Variants in SDK1 observed in about 807,000 individuals in gnomAD.
The protein encoded by SDK1 is sidekick cell adhesion molecule 1, also known as protein sidekick-1.
Under a neutral mutation model 245.5 loss-of-function variants are expected in SDK1, and 157 were observed. The observed-to-expected ratio is 0.64, with a 90% CI of 0.56 to 0.73. SDK1 has a LOEUF of 0.73. SDK1 is among the 30% of genes least tolerant of loss of function. The pLI, the probability that SDK1 is intolerant of heterozygous loss-of-function variation, is 0.00. For missense variants in SDK1, 3,583 were observed against 3,002.3 expected (o/e 1.19, Z -4.52); for synonymous variants, 1,647 against 1,278.5 (o/e 1.29, Z -6.15).
chr7:3,849,622 C>G (rs1780370472), intron 5 of SDK1, among the ~76,000 whole-genome samples: 1 of 152,122 alleles, frequency 6.6e-6, no homozygotes, highest in South Asian at 2.1e-4. Flanking sequence ...CTTATTCTGA[C>G]TAGTGAATTT....
chr7:4,106,288 C>G (rs192199534), intron 22 of SDK1, among the ~76,000 whole-genome samples: 347 of 151,306 alleles, frequency 2.3e-3, no homozygotes, highest in African/African-American at 8.3e-3. Context: ...CCACTGTCCC[C>G]CGTTTCTTTT....
At chr7:4,049,255 C>A in intron 17 of SDK1, 93 bp from the exon 18 acceptor site, 1 of 871,032 alleles carries the variant, frequency 1.1e-6, no homozygotes, top group Non-Finnish European at 1.9e-6. Context: ...TGCCTGTGAG[C>A]ATGATGGCAG....
intron 5 of SDK1, among the ~76,000 whole-genome samples, chr7:3,933,624 C>T (rs1011013637): frequency 2.6e-5 from 4 of 152,138 alleles, no homozygotes; most frequent in Non-Finnish European, 5.9e-5. Flanking sequence ...AAACAAGACA[C>T]TGATTATCTA....
intron 5 of SDK1, among the ~76,000 whole-genome samples, chr7:3,850,187 C>A (rs555682214): frequency 6.6e-6 from 1 of 152,298 alleles, no homozygotes; most frequent in East Asian, 1.9e-4. Context: ...TCTGGCCCTG[C>A]CACTCATCAG....
intron 1 of SDK1, among the ~76,000 whole-genome samples, chr7:3,599,163 T>C (rs1781173986): frequency 6.7e-6 from 1 of 150,352 alleles, no homozygotes; most frequent in African/African-American, 2.4e-5. Flanking sequence ...ACTGTAGCCA[T>C]TCCGATAGAT....
At chr7:4,250,443 A>C (rs6946599) in intron 44 of SDK1, among the ~76,000 whole-genome samples, 1 of 151,958 alleles carries the variant, frequency 6.6e-6, no homozygotes, top group African/African-American at 2.4e-5. Context: ...TCCTGGGTTC[A>C]AGCAATTCTC....
At chr7:4,017,400 A>G (rs1353630148) in intron 17 of SDK1, 48 bp downstream of exon 17, 8 of 1,538,740 alleles carry the variant, frequency 5.2e-6, no homozygotes, top group Non-Finnish European at 7.1e-6. Flanking sequence ...TTGCCGGGGA[A>G]TGGGATTTGC....
chr7:3,639,053 G>A lies in SDK1; in HGVS notation c.508G>A (p.Val170Met), dbSNP rs549922689. 18 of 1,605,018 alleles carry A rather than the reference G, an allele frequency of 1.1e-5. No homozygotes were observed. Among genetic ancestry groups the A allele is most frequent in the Admixed American group, 5.0e-5 (3 of 59,854 alleles). The change falls in exon 3 of 45, where the codon GTG becomes ATG. Residue 170 changes from valine (V) to methionine (M), a missense_variant. Transcript: ENST00000404826. ...QKLDAGFYRCVVRNRMGALLQ... is the reference protein window; with the variant it reads ...QKLDAGFYRCMVRNRMGALLQ... ...GCTCGATGCTGGGTTTTACCGCTGC[G>A]TGGTGCGAAACAGAATGGGAGCACT...
chr7:3,681,102 A>G (rs1401986372), intron 4 of SDK1, among the ~76,000 whole-genome samples: 1 of 152,152 alleles, frequency 6.6e-6, no homozygotes, highest in African/African-American at 2.4e-5. Context: ...TCAGCCTCCC[A>G]GAGTGCTGGG....
intron 1 of SDK1, among the ~76,000 whole-genome samples, chr7:3,489,143 C>T (rs1357820543): frequency 3.0e-4 from 46 of 152,054 alleles, no homozygotes; most frequent in Admixed American, 3.0e-3. Flanking sequence ...CCCAAGTGAA[C>T]AGAATCAGAG....
chr7:4,040,132 G>T (rs1788510780), intron 17 of SDK1, among the ~76,000 whole-genome samples: 2 of 152,172 alleles, frequency 1.3e-5, no homozygotes, highest in South Asian at 4.1e-4. Flanking sequence ...CACCACACTG[G>T]GGGCTGTACC....
intron 1 of SDK1, among the ~76,000 whole-genome samples, chr7:3,339,183 T>A (rs13231665): frequency 8.0e-6 from 1 of 125,010 alleles, no homozygotes; most frequent in Non-Finnish European, 1.8e-5. Flanking sequence ...CAGAATAAAT[T>A]AATAAAGACA....
At chr7:3,489,825 C>A (rs1290703211) in intron 1 of SDK1, among the ~76,000 whole-genome samples, 1 of 152,172 alleles carries the variant, frequency 6.6e-6, no homozygotes, top group Non-Finnish European at 1.5e-5. Context: ...CAGCAAGATT[C>A]ATGCTAACTA....
chr7:3,421,661 G>C (rs1292619317), intron 1 of SDK1, among the ~76,000 whole-genome samples: 2 of 152,190 alleles, frequency 1.3e-5, no homozygotes, highest in Admixed American at 1.3e-4. Context: ...CAGCTAGAGA[G>C]TATCTCTAGG....
chr7:4,138,956 C>T (rs1397831525), intron 28 of SDK1, among the ~76,000 whole-genome samples: 2 of 152,180 alleles, frequency 1.3e-5, no homozygotes, highest in Non-Finnish European at 2.9e-5. Flanking sequence ...CTGCCGGAGC[C>T]TGCTAGGTTT....
intron 4 of SDK1, among the ~76,000 whole-genome samples, chr7:3,661,060 A>G (rs898362748): frequency 7.2e-5 from 11 of 152,250 alleles, no homozygotes; most frequent in African/African-American, 1.9e-4. Flanking sequence ...TTCAACACCT[A>G]TCTCTCACTC....
chr7:3,673,553 T>C (rs1414939903), intron 4 of SDK1, among the ~76,000 whole-genome samples: 1 of 152,252 alleles, frequency 6.6e-6, no homozygotes, highest in Non-Finnish European at 1.5e-5. Context: ...TGTTATTACA[T>C]GAGTTTATTA....
chr7:3,628,195 A>G lies in SDK1; in HGVS notation c.458+8956A>G, dbSNP rs1360466401. The stretch of plus-strand genomic sequence containing the variant: ...TTCTATCAATTGGTGAGGCCTGTGT[A>G]TAACTGAGACAGTAGTCTTACTCTT... On this transcript the variant is annotated intron_variant, in intron 2 of 44. Transcript: ENST00000404826. Among the ~76,000 whole-genome samples, 3 of 152,166 alleles carry G rather than the reference A, an allele frequency of 2.0e-5. No individual in the cohort carries two copies. The East Asian group carries it at 5.8e-4, about 29-fold the overall frequency.
chr7:4,026,255 C>T lies in SDK1; in HGVS notation c.2602+8903C>T, dbSNP rs1787338608. On this transcript the variant is annotated intron_variant, in intron 17 of 44. Transcript: ENST00000404826. The surrounding 1 kb of genome is among the most constrained non-coding windows in gnomAD (Gnocchi z 4.1). ...GAGACAGGGCATGGGAAGTGGGGGTCGGGAGAGGAAGAGGAAGAGACACCA... is the reference window on the plus strand; with the variant it reads ...GAGACAGGGCATGGGAAGTGGGGGTTGGGAGAGGAAGAGGAAGAGACACCA... Among the ~76,000 whole-genome samples, 2 of 152,040 alleles carry T rather than the reference C, an allele frequency of 1.3e-5. No homozygotes were observed. The highest frequency in any genetic ancestry group is 6.5e-5 in the Admixed American group (1 of 15,274).
Sources: allele counts gnomAD v4.1 joint callset (sites outside exome capture counted in the v4.1 genomes callset), GRCh38; gene constraint gnomAD v4.1.1; non-coding constraint Gnocchi (gnomAD v3.1); transcripts MANE v1.5; gene names NCBI Gene and HGNC (gene_info 2026-07-23, HGNC 2026-07-21).